The following SOCS7 variants were observed in gnomAD, a reference collection of about 807,000 sequenced individuals.
The protein encoded by SOCS7 is NAP-4.
SOCS7 carries 18 observed loss-of-function variants against 58.9 expected under a neutral mutation model. The ratio of observed to expected loss-of-function variants is 0.31; its 90% CI spans 0.21 to 0.45. SOCS7 has a LOEUF of 0.45. Ranked by LOEUF, SOCS7 falls within the 20% of genes least tolerant of loss-of-function variation. The probability of loss-of-function intolerance (pLI) is 1.00; values close to 1 mark genes in which losing one functional copy is unlikely to be tolerated. For missense variants in SOCS7, 667 were observed against 837.3 expected (o/e 0.80, Z 2.51); for synonymous variants, 388 against 364.3 (o/e 1.06, Z -0.74).
chr17:38,358,542 A>G (rs889624539), intron 1 of SOCS7, among the ~76,000 whole-genome samples: 5 of 151,332 alleles, frequency 3.3e-5, no homozygotes, highest in Admixed American at 6.6e-5. Flanking sequence ...CCAGGTAACC[A>G]CCATCCTCAA....
chr17:38,389,892 T>TATATATATATACATATAG (rs1419752660), intron 7 of SOCS7, among the ~76,000 whole-genome samples: 1 of 93,320 alleles, frequency 1.1e-5, no homozygotes, highest in Non-Finnish European at 1.9e-5. Flanking sequence ...TGTACATATA[T>TATATATATATACATATAG]ATATATACAC....
In SOCS7 at chr17:38,395,534, C is replaced by T. The variant is rs41396552; in HGVS notation, c.1817+90C>T. 772 of 1,302,402 alleles carry T rather than the reference C, an allele frequency of 5.9e-4. 4 individuals carry two copies. The African/African-American group carries it at 0.011, about 18-fold the overall frequency. 80.7% of individuals were successfully genotyped at this position (1,302,402 alleles called of 1,614,324 possible). On this transcript the variant is annotated intron_variant, in intron 8 of 9. Transcript: ENST00000612932. Reference sequence around the variant, plus strand: ...CAGTGAGGCCTGCAAGCTACCTTCACAGGCAGAGTCTGGCATAAAATATTT... The same window carrying T: ...CAGTGAGGCCTGCAAGCTACCTTCATAGGCAGAGTCTGGCATAAAATATTT...
At chr17:38,358,397 A>G (rs1771914233) in intron 1 of SOCS7, among the ~76,000 whole-genome samples, 1 of 152,198 alleles carries the variant, frequency 6.6e-6, no homozygotes, top group African/African-American at 2.4e-5. Flanking sequence ...CATGTATACA[A>G]AAGGGGATAT....
intron 2 of SOCS7, among the ~76,000 whole-genome samples, chr17:38,362,769 C>T (rs921647504): frequency 9.9e-5 from 15 of 152,216 alleles, no homozygotes; most frequent in Non-Finnish European, 1.6e-4. Flanking sequence ...TCTTATCTTG[C>T]GATACCATGT....
chr17:38,397,450 G>T (rs2038259287), intron 9 of SOCS7, among the ~76,000 whole-genome samples: 1 of 152,340 alleles, frequency 6.6e-6, no homozygotes, highest in East Asian at 1.9e-4. Flanking sequence ...CCCAGTTGAG[G>T]CAGGGCCTTT....
chr17:38,372,010 C>T (rs141813799), intron 6 of SOCS7, among the ~76,000 whole-genome samples: 1 of 151,950 alleles, frequency 6.6e-6, no homozygotes, highest in African/African-American at 2.4e-5. Context: ...AACTGCTGTT[C>T]CTGTCTTTCC....
intron 3 of SOCS7, 75 bp from the exon 4 acceptor site, chr17:38,365,233 T>A: frequency 8.9e-7 from 1 of 1,120,374 alleles, no homozygotes; most frequent in Non-Finnish European, 1.3e-6. Context: ...ATAGTCCTTC[T>A]CCCTCTCCTC....
intron 7 of SOCS7, among the ~76,000 whole-genome samples, chr17:38,379,467 A>T (rs1465311510): frequency 7.2e-5 from 11 of 152,160 alleles, no homozygotes; most frequent in Non-Finnish European, 1.6e-4. Context: ...CGACAGAGCC[A>T]GACTCTTTCA....
At chr17:38,392,170 C>T (rs2038180531) in intron 7 of SOCS7, among the ~76,000 whole-genome samples, 1 of 152,174 alleles carries the variant, frequency 6.6e-6, no homozygotes, top group African/African-American at 2.4e-5. Flanking sequence ...TGTGGGCAAA[C>T]AGTAAATGGT....
intron 1 of SOCS7, among the ~76,000 whole-genome samples, chr17:38,359,690 G>A (rs587770107): frequency 3.7e-4 from 56 of 151,706 alleles, no homozygotes; most frequent in Admixed American, 7.2e-4. Flanking sequence ...AATGCTAGGA[G>A]ACAGGCACTC....
At chr17:38,397,917 C>T (rs188709052) in intron 9 of SOCS7, among the ~76,000 whole-genome samples, 1 of 152,208 alleles carries the variant, frequency 6.6e-6, no homozygotes, top group East Asian at 1.9e-4. Context: ...CCATTTCAGC[C>T]GATACCCAAA....
In SOCS7 at chr17:38,352,738, C is replaced by T; in HGVS notation, c.686C>T (p.Pro229Leu). ...PGPELPPVPF[P>L]LQDLVPLGRL... ...CCTGAATTACCTCCGGTGCCCTTCC[C>T]GCTGCAGGACTTGGTCCCTCTGGGG... is the stretch of plus-strand genomic sequence containing the variant. Residue 229 changes from proline to leucine, a missense_variant, in exon 1 of 10, where the codon CCG (proline) becomes CTG (leucine). By Grantham distance (98) the Pro-to-Leu change is moderately conservative (BLOSUM62 -3). Coordinates refer to ENST00000612932, the MANE Select transcript of SOCS7 (RefSeq NM_014598.4). The surrounding 1 kb of genome is among the most constrained non-coding windows in gnomAD (Gnocchi z 5.5). 1 of 1,550,006 alleles carries T rather than the reference C, an allele frequency of 6.5e-7. No individual in the cohort carries two copies. Among genetic ancestry groups the T allele is most frequent in the Non-Finnish European group, 8.7e-7 (1 of 1,146,958 alleles).
intron 7 of SOCS7, among the ~76,000 whole-genome samples, chr17:38,383,803 C>T (rs1380069505): frequency 6.6e-6 from 1 of 152,152 alleles, no homozygotes; most frequent in East Asian, 1.9e-4. Context: ...CTCGGCCTCC[C>T]AAAGTGCTGG....
intron 1 of SOCS7, among the ~76,000 whole-genome samples, chr17:38,353,583 T>G (rs1378130022): frequency 6.6e-6 from 1 of 152,186 alleles, no homozygotes; most frequent in Non-Finnish European, 1.5e-5. Flanking sequence ...CATATCAAAC[T>G]TGGGTGCTGA....
intron 7 of SOCS7, among the ~76,000 whole-genome samples, chr17:38,393,529 C>G (rs761697669): frequency 1.3e-5 from 2 of 151,922 alleles, no homozygotes; most frequent in Non-Finnish European, 2.9e-5. Flanking sequence ...CCCAGCTACT[C>G]GAGAGGCTAA....
chr17:38,389,703 T>C (rs1271274379), intron 7 of SOCS7, among the ~76,000 whole-genome samples: 7 of 149,158 alleles, frequency 4.7e-5, no homozygotes, highest in Non-Finnish European at 8.9e-5. Context: ...TTTTTTTTTT[T>C]TTTGCTTGTT....
At chr17:38,390,446 G>A (rs1344455472) in intron 7 of SOCS7, among the ~76,000 whole-genome samples, 1 of 152,078 alleles carries the variant, frequency 6.6e-6, no homozygotes, top group Non-Finnish European at 1.5e-5. Flanking sequence ...TTTCTGCAAA[G>A]AAGCCTACTG....
In SOCS7 at chr17:38,395,970, G is replaced by A. The variant is rs770126346; in HGVS notation, c.*2G>A. The stretch of plus-strand genomic sequence containing the variant: ...CAAGAGGTGGAACCCTCCACGTAGC[G>A]AGGGGCTCCCTGCTGGTCACCACCA... On this transcript the variant is annotated 3_prime_UTR_variant, in exon 9 of 10. Transcript: ENST00000612932. The A allele has an allele frequency of 8.1e-6, 13 of 1,599,360 alleles. No individual in the cohort carries two copies. Among genetic ancestry groups the A allele is most frequent in the African/African-American group, 5.4e-5 (4 of 73,826 alleles).
intron 9 of SOCS7, among the ~76,000 whole-genome samples, chr17:38,398,863 C>T (rs774894288): frequency 2.0e-5 from 3 of 151,938 alleles, no homozygotes; most frequent in Non-Finnish European, 4.4e-5. Flanking sequence ...GAGGCCAAGG[C>T]GGGCTCATCA....
Sources: allele counts gnomAD v4.1 joint callset (sites outside exome capture counted in the v4.1 genomes callset), GRCh38; gene constraint gnomAD v4.1.1; non-coding constraint Gnocchi (gnomAD v3.1); transcripts MANE v1.5; gene names NCBI Gene and HGNC (gene_info 2026-07-23, HGNC 2026-07-21).